Variants in DNAJC11 observed in about 807,000 individuals in gnomAD.
DNAJC11 encodes the protein DnaJ heat shock protein family (Hsp40) member C11.
DNAJC11 carries 15 observed loss-of-function variants against 78.6 expected under a neutral mutation model. The ratio of observed to expected loss-of-function variants is 0.19; its 90% CI spans 0.13 to 0.29. The LOEUF is 0.29. Among genes scored for constraint, DNAJC11 ranks in the 10% least tolerant of loss-of-function variants. The pLI, the probability that DNAJC11 is intolerant of heterozygous loss-of-function variation, is 1.00. For missense variants in DNAJC11, 547 were observed against 709.6 expected (o/e 0.77, Z 2.60); for synonymous variants, 292 against 272.1 (o/e 1.07, Z -0.72).
In DNAJC11 at chr1:6,644,650, C is replaced by T. The variant is rs1463605452; in HGVS notation, c.1005G>A (p.Val335=). Reference sequence around the variant, plus strand: ...AGATCTTCCTCTCAGCTCCGTACTCCACCACCGTCCCAAAGAAGCCTGCTC... The same window carrying T: ...AGATCTTCCTCTCAGCTCCGTACTCTACCACCGTCCCAAAGAAGCCTGCTC... ...SLKAGFFGTV[V]EYGAERKISR... The change falls in exon 10 of 16, where the codon GTG becomes GTA. Residue 335 remains valine (V), a synonymous_variant. Coordinates refer to ENST00000377577, the MANE Select transcript of DNAJC11 (RefSeq NM_018198.4). The T allele has an allele frequency of 3.7e-6, 6 of 1,614,062 alleles. No homozygotes were observed. Among genetic ancestry groups the T allele is most frequent in the Admixed American group, 3.3e-5 (2 of 60,002 alleles).
intron 4 of DNAJC11, among the ~76,000 whole-genome samples, chr1:6,659,752 ACT>A (rs1642180410): frequency 7.0e-6 from 1 of 142,324 alleles, no homozygotes; most frequent in East Asian, 2.1e-4. Context: ...CAAGAGTGAA[ACT>A]CTGTCTCAAA....
intron 10 of DNAJC11, 130 bp from the exon 11 acceptor site, chr1:6,640,187 G>T: frequency 8.5e-7 from 1 of 1,171,168 alleles, no homozygotes. Context: ...GGAGCCTGCA[G>T]TCTGCTCCTT....
intron 7 of DNAJC11, among the ~76,000 whole-genome samples, chr1:6,648,754 C>T (rs1642006088): frequency 6.6e-6 from 1 of 152,222 alleles, no homozygotes; most frequent in Admixed American, 6.5e-5. Flanking sequence ...CCACACCCTG[C>T]CCCCGAGGCG....
rs754043204 is a variant in DNAJC11 at position 6,645,940 on chromosome 1, C to T, written c.743G>A (p.Arg248His). Residue 248 changes from arginine to histidine, a missense_variant, in exon 8 of 16, where the codon CGT becomes CAT. By Grantham distance (29) the Arg-to-His change is conservative. Transcript: ENST00000377577. This position sits in a 1 kb window ranked among gnomAD's most constrained non-coding sequence, Gnocchi z 4.1. Reference sequence around the variant, plus strand: ...AGTGGTCAGGCCGGGTCGGATTCCACGGGATGAAAACTGCAGAGCACAGTT... The same window carrying T: ...AGTGGTCAGGCCGGGTCGGATTCCATGGGATGAAAACTGCAGAGCACAGTT... ...TTNCALQFSS[R>H]GIRPGLTTVL... is the part of the protein sequence containing the mutation. 35 of 1,614,016 alleles carry T rather than the reference C, an allele frequency of 2.2e-5. 1 individual carries two copies. Among genetic ancestry groups the T allele is most frequent in the Admixed American group, 3.3e-5 (2 of 59,996 alleles).
At position 6,645,400 on chromosome 1, in the gene DNAJC11, G is replaced by A. The variant is rs150022830; in HGVS notation, c.895-274C>T. ...CTATGCTCCTAGGTGGCAGCGGCTG[G>A]TGAGAGCCAAGGAGCAGTGGCCCGT... On this transcript the variant is annotated intron_variant, in intron 8 of 15. Coordinates refer to ENST00000377577, the MANE Select transcript of DNAJC11 (RefSeq NM_018198.4). The surrounding 1 kb of genome is among the most constrained non-coding windows in gnomAD (Gnocchi z 4.1). 6.6e-6 allele frequency among the ~76,000 whole-genome samples: 1 copy of A among 152,250 alleles called. No individual in the cohort carries two copies. Among genetic ancestry groups the A allele is most frequent in the Non-Finnish European group, 1.5e-5 (1 of 68,040 alleles).
chr1:6,673,195 C>CAAAAAA (rs70981399), intron 3 of DNAJC11, among the ~76,000 whole-genome samples: 2 of 39,270 alleles, frequency 5.1e-5, no homozygotes, highest in Admixed American at 4.6e-4. Flanking sequence ...AACTCCATCT[C>CAAAAAA]AAAAAAAAAA....
chr1:6,651,144 T>C (rs1174922367), intron 7 of DNAJC11: 1 of 540,200 alleles, frequency 1.9e-6, no homozygotes, highest in South Asian at 1.4e-5. Context: ...CTCTGGCATA[T>C]GTCAATCAAC....
intron 2 of DNAJC11, 107 bp from the exon 3 acceptor site, chr1:6,678,574 G>C (rs1436424972): frequency 1.0e-5 from 9 of 859,696 alleles, no homozygotes; most frequent in Non-Finnish European, 1.4e-5. Context: ...CTCCCTGTCT[G>C]ATCACAATCT....
chr1:6,678,056 C>G (rs1642497850), intron 3 of DNAJC11, among the ~76,000 whole-genome samples: 3 of 152,114 alleles, frequency 2.0e-5, no homozygotes, highest in African/African-American at 7.2e-5. Flanking sequence ...AGAACTGCAC[C>G]CTTGAAGAAA....
At chr1:6,691,077 C>T (rs3908554) in intron 1 of DNAJC11, among the ~76,000 whole-genome samples, 1 of 151,274 alleles carries the variant, frequency 6.6e-6, no homozygotes, top group Non-Finnish European at 1.5e-5. Flanking sequence ...TAAGTGAGTT[C>T]TACTTAACAC....
At chr1:6,643,496 C>T (rs539233235) in intron 10 of DNAJC11, among the ~76,000 whole-genome samples, 99 of 152,100 alleles carry the variant, frequency 6.5e-4, no homozygotes, top group African/African-American at 2.2e-3. Context: ...AGGATGGTCT[C>T]AATCTCCTGA....
chr1:6,645,362 G>A lies in DNAJC11; in HGVS notation c.895-236C>T, dbSNP rs1180973399. Among the ~76,000 whole-genome samples, 2 of 152,212 alleles carry A rather than the reference G, an allele frequency of 1.3e-5. No homozygotes were observed. Among genetic ancestry groups the A allele is most frequent in the Non-Finnish European group, 2.9e-5 (2 of 68,028 alleles). ...CTTCTCACAAGAAATAAAAAACTCT[G>A]GTGACACTGAGCCTATGCTCCTAGG... On this transcript the variant is annotated intron_variant, in intron 8 of 15. Coordinates refer to ENST00000377577, the MANE Select transcript of DNAJC11 (RefSeq NM_018198.4). The surrounding 1 kb of genome is among the most constrained non-coding windows in gnomAD (Gnocchi z 4.1).
chr1:6,649,065 T>A (rs1274207824), intron 7 of DNAJC11, among the ~76,000 whole-genome samples: 2 of 152,128 alleles, frequency 1.3e-5, no homozygotes, highest in African/African-American at 4.8e-5. Flanking sequence ...CAATCTCAGC[T>A]CATTGCAGCC....
chr1:6,671,680 C>A (rs528566807), intron 3 of DNAJC11, among the ~76,000 whole-genome samples: 1 of 132,150 alleles, frequency 7.6e-6, no homozygotes, highest in African/African-American at 2.9e-5. Context: ...TACAGGCATC[C>A]GCCACCACGC....
Position 6,653,668 on chromosome 1 carries a change from C to T in DNAJC11, c.507+243G>A. The T allele has an allele frequency of 2.5e-6, 1 of 392,820 alleles. No homozygotes were observed. Among genetic ancestry groups the T allele is most frequent in the Non-Finnish European group, 4.7e-6 (1 of 212,736 alleles). 24.3% of individuals were successfully genotyped at this position (392,820 alleles called of 1,614,324 possible). On this transcript the variant is annotated intron_variant, in intron 5 of 15. Coordinates refer to ENST00000377577, the MANE Select transcript of DNAJC11 (RefSeq NM_018198.4). The surrounding 1 kb of genome is among the most constrained non-coding windows in gnomAD (Gnocchi z 4.5). The stretch of plus-strand genomic sequence containing the variant: ...TCTCCCAGACCATTAACACCCTCTG[C>T]TGGAAAGGCCCAAGACCTTGGGAGC...
At chr1:6,636,042 C>T (rs1334717860) in intron 15 of DNAJC11, 75 bp downstream of exon 15, 1 of 1,521,198 alleles carries the variant, frequency 6.6e-7, no homozygotes. Context: ...AGGTGGCTGG[C>T]AGCCCACACA....
At position 6,640,021 on chromosome 1, in the gene DNAJC11, A is replaced by G. The variant is rs1405578735; in HGVS notation, c.1134T>C (p.Ile378=). Residue 378 remains isoleucine (I), a synonymous_variant, in exon 11 of 16, where the codon ATT becomes ATC. Transcript: ENST00000377577. ...NRASQTYFFP[I]HLTDQLLPSA... is the part of the protein sequence containing the mutation. ...TGGGCAGAAGCTGGTCCGTCAAGTG[A>G]ATAGGGAAGAAGTATGTCTGACTGG... The G allele has an allele frequency of 6.2e-7, 1 of 1,610,720 alleles. No individual in the cohort carries two copies. The highest frequency in any genetic ancestry group is 1.3e-5 in the African/African-American group (1 of 74,442).
At position 6,653,892 on chromosome 1, in the gene DNAJC11, AGGTG is replaced by A. The variant is rs1642090812; in HGVS notation, c.507+15_507+18del. 8.1e-6 allele frequency: 13 copies of A among 1,610,348 alleles called. No homozygotes were observed. Among genetic ancestry groups the A allele is most frequent in the Middle Eastern group, 1.7e-4 (1 of 6,044 alleles). On this transcript the variant is annotated intron_variant, in intron 5 of 15. Transcript: ENST00000377577. The surrounding 1 kb of genome is among the most constrained non-coding windows in gnomAD (Gnocchi z 4.5). Reference sequence around the variant, plus strand: ...ACTCGAGCCCTTGCTGTACTCGGAGAGGTGGTTGTGTGCTTTACCTCAATGGACT... The same window carrying A: ...ACTCGAGCCCTTGCTGTACTCGGAGAGTTGTGTGCTTTACCTCAATGGACT...
chr1:6,677,742 G>C (rs1642491709), intron 3 of DNAJC11, among the ~76,000 whole-genome samples: 1 of 152,198 alleles, frequency 6.6e-6, no homozygotes, highest in Admixed American at 6.5e-5. Context: ...CTAGTCAGTG[G>C]CAGTGTGAAA....
Sources: allele counts gnomAD v4.1 joint callset (sites outside exome capture counted in the v4.1 genomes callset), GRCh38; gene constraint gnomAD v4.1.1; non-coding constraint Gnocchi (gnomAD v3.1); transcripts MANE v1.5; gene names NCBI Gene and HGNC (gene_info 2026-07-23, HGNC 2026-07-21).